The following IL1RAPL1 variants were observed in gnomAD, a reference collection of about 807,000 sequenced individuals.
IL1RAPL1 encodes the protein interleukin 1 receptor accessory protein like 1, also known as interleukin-1 receptor accessory protein-like 1.
IL1RAPL1 carries 3 observed loss-of-function variants against 48.4 expected under a neutral mutation model. The observed-to-expected ratio is 0.06, with a 90% CI of 0.03 to 0.16. IL1RAPL1 has a LOEUF of 0.16. IL1RAPL1 is among the 10% of genes least tolerant of loss of function. The probability of loss-of-function intolerance (pLI) is 1.00; values close to 1 mark genes in which losing one functional copy is unlikely to be tolerated. For missense variants in IL1RAPL1, 349 were observed against 530.6 expected (o/e 0.66, Z 3.36); for synonymous variants, 185 against 187.7 (o/e 0.99, Z 0.12).
rs1490449273 is a variant in IL1RAPL1 at position 29,457,914 on chromosome X, T to C, written c.703+58606T>C. Among the ~76,000 whole-genome samples the C allele has an allele frequency of 2.1e-4, 23 of 111,995 alleles. No individual in the cohort carries two copies. In the Admixed American group the frequency reaches 2.2e-3, roughly 11 times the overall value. On this transcript the variant is annotated intron_variant, in intron 5 of 10. Transcript: ENST00000378993. ...GACTTGTGTGGATCATATCTTATTG[T>C]GGTTTTGATTTGCATTTATCTGACA...
At chrX:29,387,452 G>A (rs1456383305) in intron 3 of IL1RAPL1, among the ~76,000 whole-genome samples, 1 of 111,750 alleles carries the variant, frequency 8.9e-6, no homozygotes, top group African/African-American at 3.3e-5. Flanking sequence ...TGTAAAGCTT[G>A]GAGAACAAAA....
Position 29,708,184 on chromosome X carries a change from C to T in IL1RAPL1, c.778+39680C>T, listed in dbSNP as rs1157019814. Among the ~76,000 whole-genome samples the T allele has an allele frequency of 1.9e-4, 21 of 110,684 alleles. No homozygotes were observed. The Admixed American group carries it at 2.0e-3, about 11-fold the overall frequency. ...AATGGGATGTTTTGATCTATGTATA[C>T]ATTGTACAAAGAGTCACTCAAGCTA... On this transcript the variant is annotated intron_variant, in intron 6 of 10. Coordinates refer to ENST00000378993, the MANE Select transcript of IL1RAPL1 (RefSeq NM_014271.4).
intron 2 of IL1RAPL1, among the ~76,000 whole-genome samples, chrX:28,834,861 A>G (rs1232523009): frequency 9.0e-6 from 1 of 111,576 alleles, no homozygotes; most frequent in Non-Finnish European, 1.9e-5. Flanking sequence ...TATGCCTGCT[A>G]CTTCCTAATA....
intron 6 of IL1RAPL1, among the ~76,000 whole-genome samples, chrX:29,804,281 C>T (rs1010713670): frequency 1.1e-4 from 12 of 111,071 alleles, no homozygotes; most frequent in African/African-American, 2.9e-4. Context: ...ACTTAGGGCC[C>T]GGAGAGGTGG....
chrX:29,945,583 A>T (rs971579240), intron 9 of IL1RAPL1, among the ~76,000 whole-genome samples: 1 of 112,506 alleles, frequency 8.9e-6, no homozygotes, highest in Non-Finnish European at 1.9e-5. Context: ...ATTGAATAAC[A>T]AGTGATGTGT....
At chrX:29,508,374 G>T (rs1935358529) in intron 5 of IL1RAPL1, among the ~76,000 whole-genome samples, 1 of 111,470 alleles carries the variant, frequency 9.0e-6, no homozygotes, top group Admixed American at 9.5e-5. Flanking sequence ...AAAGAAGGGT[G>T]TCTGTCTGAA....
chrX:29,097,487 T>C (rs993286057), intron 2 of IL1RAPL1, among the ~76,000 whole-genome samples: 2 of 111,890 alleles, frequency 1.8e-5, no homozygotes, highest in African/African-American at 3.2e-5. Flanking sequence ...CTTCTCCACT[T>C]GAAAACAACA....
intron 1 of IL1RAPL1, among the ~76,000 whole-genome samples, chrX:28,647,688 T>C (rs1446564721): frequency 1.8e-5 from 2 of 111,663 alleles, no homozygotes; most frequent in Non-Finnish European, 3.8e-5. Flanking sequence ...TACATTTGAG[T>C]GAATGGATTT....
At chrX:29,393,528 T>C (rs1319961585) in intron 3 of IL1RAPL1, among the ~76,000 whole-genome samples, 1 of 108,661 alleles carries the variant, frequency 9.2e-6, no homozygotes, top group Non-Finnish European at 1.9e-5. Context: ...TGACCCTGCC[T>C]CTCTCTCTCT....
chrX:29,697,377 A>G (rs898820422), intron 6 of IL1RAPL1, among the ~76,000 whole-genome samples: 4 of 112,497 alleles, frequency 3.6e-5, no homozygotes, highest in African/African-American at 1.3e-4. Flanking sequence ...AAAAAAGGAC[A>G]AGGTTTGTAT....
chrX:29,306,124 C>T lies in IL1RAPL1; in HGVS notation c.362+22907C>T, dbSNP rs966086194. ...TTGATAGTAAACCAGATCTTCAGAT[C>T]CCCAGTGTCCATTACTACCTACGTT... On this transcript the variant is annotated intron_variant, in intron 3 of 10. Transcript: ENST00000378993. Among the ~76,000 whole-genome samples, 3 of 111,855 alleles carry T rather than the reference C, an allele frequency of 2.7e-5. No homozygotes were observed. In the Admixed American group the frequency reaches 2.8e-4, roughly 11 times the overall value.
At chrX:29,354,580 A>G (rs1257478362) in intron 3 of IL1RAPL1, among the ~76,000 whole-genome samples, 5 of 112,101 alleles carry the variant, frequency 4.5e-5, no homozygotes, top group African/African-American at 6.5e-5. Context: ...ACTGGGAACT[A>G]TGTCTCACTT....
At chrX:29,301,541 T>C (rs1384445637) in intron 3 of IL1RAPL1, among the ~76,000 whole-genome samples, 1 of 112,344 alleles carries the variant, frequency 8.9e-6, no homozygotes, top group Non-Finnish European at 1.9e-5. Context: ...ATTTAGACAA[T>C]ATTCATGGAC....
intron 3 of IL1RAPL1, among the ~76,000 whole-genome samples, chrX:29,334,087 T>C (rs1602177989): frequency 1.2e-5 from 1 of 80,213 alleles, no homozygotes; most frequent in African/African-American, 5.2e-5. Context: ...CCGCCCCACC[T>C]CCCTCCCGGA....
At position 29,195,557 on chromosome X, in the gene IL1RAPL1, C is replaced by CTTT. The variant is rs756993767; in HGVS notation, c.83-87364_83-87362dup. ...GTTTGTTCATTTATCTAACTAATTACTTTTTTTTTTTTTTTTTTTGGAGAC... is the reference window on the plus strand; with the variant it reads ...GTTTGTTCATTTATCTAACTAATTACTTTTTTTTTTTTTTTTTTTTTTGGAGAC... On this transcript the variant is annotated intron_variant, in intron 2 of 10. Coordinates refer to ENST00000378993, the MANE Select transcript of IL1RAPL1 (RefSeq NM_014271.4). Among the ~76,000 whole-genome samples the CTTT allele has an allele frequency of 4.4e-3, 348 of 79,897 alleles. 8 individuals carry two copies. The highest frequency in any genetic ancestry group is 0.014 in the African/African-American group (302 of 21,062). The allele number at this position is 79,897 out of a possible 115,157, so 69.4% of individuals were successfully genotyped here.
At chrX:29,763,045 T>G (rs1210087951) in intron 6 of IL1RAPL1, among the ~76,000 whole-genome samples, 1 of 109,641 alleles carries the variant, frequency 9.1e-6, no homozygotes, top group African/African-American at 3.3e-5. Context: ...AAGAAAAAGT[T>G]TTTTGTTTTT....
chrX:29,400,827 G>C (rs1213107891), intron 5 of IL1RAPL1, among the ~76,000 whole-genome samples: 1 of 111,830 alleles, frequency 8.9e-6, no homozygotes, highest in Non-Finnish European at 1.9e-5. Flanking sequence ...TCAACCAGTA[G>C]TATTGAGGCA....
Position 29,718,603 on chromosome X carries a change from T to TAAAAAA in IL1RAPL1, c.778+50113_778+50118dup, listed in dbSNP as rs11438049. On this transcript the variant is annotated intron_variant, in intron 6 of 10. Transcript: ENST00000378993. Reference sequence around the variant, plus strand: ...ACATGTAACCCAGAAGCTAAAGTATTAAAAAAAAAAAAAAAAAAAGAATGT... The same window carrying TAAAAAA: ...ACATGTAACCCAGAAGCTAAAGTATTAAAAAAAAAAAAAAAAAAAAAAAAAGAATGT... Among the ~76,000 whole-genome samples, 584 of 80,321 alleles carry TAAAAAA rather than the reference T, an allele frequency of 7.3e-3. 9 individuals are homozygous for TAAAAAA. Among genetic ancestry groups the TAAAAAA allele is most frequent in the African/African-American group, 0.027 (559 of 20,663 alleles). 69.7% of individuals were successfully genotyped at this position (80,321 alleles called of 115,157 possible).
chrX:29,416,095 T>G (rs957537674), intron 5 of IL1RAPL1, among the ~76,000 whole-genome samples: 4 of 111,750 alleles, frequency 3.6e-5, no homozygotes, highest in Non-Finnish European at 5.6e-5. Context: ...TTATACTTAA[T>G]GGGGTCTCAG....
Sources: allele counts gnomAD v4.1 joint callset (sites outside exome capture counted in the v4.1 genomes callset), GRCh38; gene constraint gnomAD v4.1.1; transcripts MANE v1.5; gene names NCBI Gene and HGNC (gene_info 2026-07-23, HGNC 2026-07-21).